Variants in TTC27 observed in about 807,000 individuals in gnomAD.
The protein encoded by TTC27 is tetratricopeptide repeat protein 27.
A neutral mutation model predicts 115.9 loss-of-function variants in TTC27; 79 were observed. That is an observed-to-expected ratio of 0.68 (90% confidence interval 0.57 to 0.82). The LOEUF (loss-of-function observed/expected upper bound fraction) is 0.82. TTC27 is among the 40% of genes least tolerant of loss of function. The pLI is 0.00. For missense variants in TTC27, 1,054 were observed against 993.1 expected (o/e 1.06, Z -0.82); for synonymous variants, 401 against 356.0 (o/e 1.13, Z -1.42).
At chr2:32,810,865 T>G (rs1242372188) in intron 16 of TTC27, among the ~76,000 whole-genome samples, 159 bp from the exon 17 acceptor site, 1 of 152,206 alleles carries the variant, frequency 6.6e-6, no homozygotes, top group Non-Finnish European at 1.5e-5. Context: ...GCTTTAGGAT[T>G]GAATTTTATT....
chr2:32,695,872 C>T (rs909187231), intron 9 of TTC27, among the ~76,000 whole-genome samples: 1 of 151,036 alleles, frequency 6.6e-6, no homozygotes, highest in African/African-American at 2.4e-5. Context: ...CCGTCGCACT[C>T]TAGCCTGGGC....
chr2:32,672,195 C>T (rs982161768), intron 7 of TTC27, 77 bp from the exon 8 acceptor site: 29 of 999,400 alleles, frequency 2.9e-5, no homozygotes, highest in Non-Finnish European at 4.3e-5. Context: ...TCCTTTCTAG[C>T]AATCTATTAC....
In TTC27 at chr2:32,681,476, A is replaced by G. The variant is rs893682007; in HGVS notation, c.1119+2554A>G. Among the ~76,000 whole-genome samples the G allele has an allele frequency of 2.7e-4, 41 of 152,140 alleles. 1 individual carries two copies. The highest frequency in any genetic ancestry group is 2.6e-4 in the Admixed American group (4 of 15,264). On this transcript the variant is annotated intron_variant, in intron 9 of 19. Coordinates refer to ENST00000317907, the MANE Select transcript of TTC27 (RefSeq NM_017735.5). ...AAGAAAGAAACTTTATTTAAATCCT[A>G]TGTAACTCCAAAAGAGTACAAACAG...
At chr2:32,812,267 T>C (rs183574206) in intron 17 of TTC27, among the ~76,000 whole-genome samples, 1 of 152,324 alleles carries the variant, frequency 6.6e-6, no homozygotes, top group Admixed American at 6.5e-5. Flanking sequence ...CCTTTATATC[T>C]TTCTGGTTAC....
intron 16 of TTC27, among the ~76,000 whole-genome samples, chr2:32,802,350 A>T (rs1232353154): frequency 2.0e-5 from 3 of 152,160 alleles, no homozygotes; most frequent in African/African-American, 7.2e-5. Flanking sequence ...TTTTTAAGTT[A>T]CCTAGTTTTT....
At chr2:32,765,263 C>G (rs767083031) in intron 13 of TTC27, among the ~76,000 whole-genome samples, 4 of 152,150 alleles carry the variant, frequency 2.6e-5, no homozygotes, top group Non-Finnish European at 4.4e-5. Flanking sequence ...GTTGTGTTAG[C>G]AAGCATGAAA....
Position 32,630,620 on chromosome 2 carries a change from T to C in TTC27, c.186T>C (p.Ala62=). 6.2e-7 allele frequency: 1 copy of C among 1,613,872 alleles called. No individual in the cohort carries two copies. Among genetic ancestry groups the C allele is most frequent in the Non-Finnish European group, 8.5e-7 (1 of 1,179,918 alleles). The part of the protein sequence containing the change: ...TQNIFNSTTT[A]EEKIDSYLEK... ...ATATTTTTAATTCAACAACAACCGCTGAAGAAAAGATTGATAGCTACCTGG... is the reference window on the plus strand; with the variant it reads ...ATATTTTTAATTCAACAACAACCGCCGAAGAAAAGATTGATAGCTACCTGG... The change falls in exon 2 of 20, where the codon GCT becomes GCC. Residue 62 remains alanine (A), a synonymous_variant. Coordinates refer to ENST00000317907, the MANE Select transcript of TTC27 (RefSeq NM_017735.5).
intron 10 of TTC27, among the ~76,000 whole-genome samples, chr2:32,726,456 C>A (rs1668112014): frequency 6.6e-6 from 1 of 152,198 alleles, no homozygotes. Context: ...CAAAATGCCT[C>A]TAGTCTCTGT....
chr2:32,679,775 T>G (rs1429964768), intron 9 of TTC27, among the ~76,000 whole-genome samples: 1 of 152,158 alleles, frequency 6.6e-6, no homozygotes, highest in East Asian at 1.9e-4. Context: ...GGTGGATCAC[T>G]TGAGATCAGG....
At chr2:32,695,219 A>G (rs1666943226) in intron 9 of TTC27, among the ~76,000 whole-genome samples, 1 of 151,988 alleles carries the variant, frequency 6.6e-6, no homozygotes, top group South Asian at 2.1e-4. Flanking sequence ...CCTTGCAACT[A>G]CCATTCTACT....
At position 32,762,861 on chromosome 2, in the gene TTC27, T is replaced by C. The variant is rs1669493483; in HGVS notation, c.1680+4342T>C. Among the ~76,000 whole-genome samples, 4 of 152,160 alleles carry C rather than the reference T, an allele frequency of 2.6e-5. No homozygotes were observed. In the South Asian group the frequency reaches 8.3e-4, roughly 32 times the overall value. On this transcript the variant is annotated intron_variant, in intron 13 of 19. Coordinates refer to ENST00000317907, the MANE Select transcript of TTC27 (RefSeq NM_017735.5). Reference sequence around the variant, plus strand: ...TTCGCCATGTTGGTCAGGCTGGTCTTGAACTCCTGACCTTGTGATCCGCCC... The same window carrying C: ...TTCGCCATGTTGGTCAGGCTGGTCTCGAACTCCTGACCTTGTGATCCGCCC...
At chr2:32,726,079 G>A (rs553521219) in intron 10 of TTC27, among the ~76,000 whole-genome samples, 30 of 151,848 alleles carry the variant, frequency 2.0e-4, no homozygotes, top group Admixed American at 9.2e-4. Flanking sequence ...CCCTGGGCCC[G>A]GCCCACAAAA....
chr2:32,710,516 C>T (rs1667538556), intron 10 of TTC27, among the ~76,000 whole-genome samples: 1 of 148,070 alleles, frequency 6.8e-6, no homozygotes, highest in Non-Finnish European at 1.5e-5. Context: ...GCAACCTCTG[C>T]CCTCCCAGGT....
rs1022938372 is a variant in TTC27 at position 32,672,434 on chromosome 2, T to G, written c.1052+50T>G. The G allele has an allele frequency of 5.2e-6, 7 of 1,355,274 alleles. No homozygotes were observed. In the African/African-American group the frequency reaches 8.6e-5, roughly 17 times the overall value. 84.0% of individuals were successfully genotyped at this position (1,355,274 alleles called of 1,614,324 possible). On this transcript the variant is annotated intron_variant, in intron 8 of 19. Coordinates refer to ENST00000317907, the MANE Select transcript of TTC27 (RefSeq NM_017735.5). ...CTTTGAACACTTTGCATATTGATTC[T>G]CTTATGTGTGGAGAATCTTTATTCA...
intron 10 of TTC27, among the ~76,000 whole-genome samples, chr2:32,708,715 G>T (rs1667471458): frequency 6.6e-6 from 1 of 151,610 alleles, no homozygotes; most frequent in Non-Finnish European, 1.5e-5. Flanking sequence ...TGTTGTTTTA[G>T]GCTTTTAGCA....
rs36120062 is a variant in TTC27, at chr2:32,723,971, C to CTTTTTTTTTTTTTTTTTTT, written c.1234-9840_1234-9839insTTTTTTTTTTTTTTTTTTT. ...TGAGCCACCAGCTGGCATACATAAG[C>CTTTTTTTTTTTTTTTTTTT]TTTTTTTTTTTTTTTTTATAGAAAG... On this transcript the variant is annotated intron_variant, in intron 10 of 19. Transcript: ENST00000317907. 4.9e-3 allele frequency among the ~76,000 whole-genome samples: 457 copies of CTTTTTTTTTTTTTTTTTTT among 92,396 alleles called. 69 individuals carry two copies. The highest frequency in any genetic ancestry group is 7.0e-3 in the Middle Eastern group (1 of 142). The allele number at this position is 92,396 out of a possible 152,430, so 60.6% of individuals were successfully genotyped here.
chr2:32,644,718 C>A (rs893699107), intron 4 of TTC27, among the ~76,000 whole-genome samples: 1 of 151,884 alleles, frequency 6.6e-6, no homozygotes, highest in Non-Finnish European at 1.5e-5. Context: ...AGCACACCAT[C>A]CTGCCTGGCT....
chr2:32,781,996 A>G (rs2148016762), intron 14 of TTC27, among the ~76,000 whole-genome samples: 1 of 152,286 alleles, frequency 6.6e-6, no homozygotes, highest in Middle Eastern at 3.4e-3. Flanking sequence ...TATGTGTGGG[A>G]CTTGAGAATG....
At chr2:32,737,233 C>G (rs563332340) in intron 12 of TTC27, among the ~76,000 whole-genome samples, 6 of 152,126 alleles carry the variant, frequency 3.9e-5, no homozygotes, top group Non-Finnish European at 8.8e-5. Context: ...CCTCTTGAGG[C>G]AGAAGAGTTG....
Sources: gnomAD v4.1 joint callset for allele counts (sites outside exome capture counted in the v4.1 genomes callset) on GRCh38, gnomAD v4.1.1 for gene constraint, MANE v1.5 for transcripts, NCBI Gene and HGNC (gene_info 2026-07-23, HGNC 2026-07-21) for gene names.